Variants in RABGAP1L observed in about 807,000 individuals in gnomAD.
RABGAP1L encodes RAB GTPase activating protein 1 like.
A neutral mutation model predicts 137.7 loss-of-function variants in RABGAP1L; 63 were observed. The observed-to-expected ratio is 0.46, with a 90% CI of 0.37 to 0.56. The LOEUF (loss-of-function observed/expected upper bound fraction) is 0.56. Ranked by LOEUF, RABGAP1L falls within the 20% of genes least tolerant of loss-of-function variation. The pLI, the probability that RABGAP1L is intolerant of heterozygous loss-of-function variation, is 0.00. For missense variants in RABGAP1L, 1,095 were observed against 1,244.0 expected, an observed-to-expected ratio of 0.88 and a Z score of 1.80; for synonymous variants, 431 against 433.7, an observed-to-expected ratio of 0.99 and a Z score of 0.08.
At chr1:174,168,358 A>G (rs571538397) in intron 1 of RABGAP1L, among the ~76,000 whole-genome samples, 1 of 151,860 alleles carries the variant, frequency 6.6e-6, no homozygotes, top group East Asian at 1.9e-4. Context: ...GGGAGGTTAT[A>G]TATATATTGG....
rs531718932 is a variant in RABGAP1L at position 174,488,258 on chromosome 1, T to A, written c.1710+94113T>A. Among the ~76,000 whole-genome samples the A allele has an allele frequency of 1.5e-4, 23 of 152,200 alleles. 1 individual carries two copies. The highest frequency in any genetic ancestry group is 5.3e-4 in the African/African-American group (22 of 41,492). On this transcript the variant is annotated intron_variant, in intron 13 of 25. Transcript: ENST00000681986. ...TGGCTTTTGTTTCTTTGAGAAAGTCTGTATTTCTCCCTCATGTTTGAAGGA... is the reference window on the plus strand; with the variant it reads ...TGGCTTTTGTTTCTTTGAGAAAGTCAGTATTTCTCCCTCATGTTTGAAGGA...
At chr1:174,655,790 G>T (rs375691416) in intron 14 of RABGAP1L, among the ~76,000 whole-genome samples, 3 of 152,064 alleles carry the variant, frequency 2.0e-5, no homozygotes, top group East Asian at 3.9e-4. Flanking sequence ...TGTTCAAATT[G>T]TCCCCATATT....
intron 13 of RABGAP1L, among the ~76,000 whole-genome samples, chr1:174,487,524 A>G (rs1033682963): frequency 1.3e-5 from 2 of 152,028 alleles, no homozygotes; most frequent in Non-Finnish European, 2.9e-5. Flanking sequence ...CTTTTTAGGT[A>G]AAGTGTTTTT....
intron 19 of RABGAP1L, among the ~76,000 whole-genome samples, chr1:174,907,467 C>T (rs146835396): frequency 4.6e-5 from 7 of 152,050 alleles, no homozygotes; most frequent in African/African-American, 1.7e-4. Context: ...TGTGTGCCAC[C>T]ACACCTGGCT....
chr1:174,449,331 T>G lies in RABGAP1L; in HGVS notation c.1710+55186T>G, dbSNP rs1334861280. On this transcript the variant is annotated intron_variant, in intron 13 of 25. Transcript: ENST00000681986. ...TAAAATGAAGTATGAGACTAAAGGT[T>G]TCTCTCTTTTTTTTTCTTTTTCATG... 5 of 749,956 alleles carry G rather than the reference T, an allele frequency of 6.7e-6. No homozygotes were observed. The East Asian group carries it at 1.1e-4, about 16-fold the overall frequency. 46.5% of individuals were successfully genotyped at this position (749,956 alleles called of 1,614,324 possible). A position where few individuals can be genotyped will look rare whatever the true frequency, so the allele number is the denominator to read the frequency against.
intron 18 of RABGAP1L, among the ~76,000 whole-genome samples, chr1:174,767,298 A>G (rs1271974581): frequency 2.0e-5 from 3 of 152,176 alleles, no homozygotes; most frequent in Non-Finnish European, 2.9e-5. Flanking sequence ...GACATTAACA[A>G]TATTGAGACT....
intron 13 of RABGAP1L, among the ~76,000 whole-genome samples, chr1:174,410,491 T>G (rs1649795817): frequency 6.6e-6 from 1 of 152,096 alleles, no homozygotes; most frequent in South Asian, 2.1e-4. Flanking sequence ...TCACCATTTA[T>G]TGAATAAGGA....
At chr1:174,262,417 G>A (rs948755217) in intron 7 of RABGAP1L, among the ~76,000 whole-genome samples, 2 of 152,138 alleles carry the variant, frequency 1.3e-5, no homozygotes, top group Admixed American at 6.5e-5. Context: ...GTTCTCATAA[G>A]TTGATTGATT....
chr1:174,355,808 T>A (rs1276639677), intron 11 of RABGAP1L, among the ~76,000 whole-genome samples: 1 of 152,194 alleles, frequency 6.6e-6, no homozygotes, highest in Non-Finnish European at 1.5e-5. Flanking sequence ...AGATTCAGAA[T>A]GACAGTGATG....
chr1:174,964,892 TTAG>T, intron 20 of RABGAP1L: 2 of 1,464,782 alleles, frequency 1.4e-6, no homozygotes, highest in Non-Finnish European at 9.1e-7. Context: ...CATAAATATT[TTAG>T]TAGGTGTTCA....
At chr1:174,988,596 C>A in intron 24 of RABGAP1L, 45 bp from the exon 25 acceptor site, 1 of 1,402,734 alleles carries the variant, frequency 7.1e-7, no homozygotes, top group South Asian at 1.6e-5. Context: ...GGTGATTTAG[C>A]CTATGGAATA....
At chr1:174,266,271 T>G (rs1674065751) in intron 7 of RABGAP1L, among the ~76,000 whole-genome samples, 1 of 152,186 alleles carries the variant, frequency 6.6e-6, no homozygotes, top group African/African-American at 2.4e-5. Context: ...TTCACAATAA[T>G]GCTTAATAAA....
At chr1:174,225,761 G>A (rs900735961) in intron 3 of RABGAP1L, among the ~76,000 whole-genome samples, 1 of 151,966 alleles carries the variant, frequency 6.6e-6, no homozygotes, top group Non-Finnish European at 1.5e-5. Flanking sequence ...AGAAAGACAG[G>A]TTTCTTTCTT....
At chr1:174,441,060 A>G (rs1438575806) in intron 13 of RABGAP1L, among the ~76,000 whole-genome samples, 6 of 149,678 alleles carry the variant, frequency 4.0e-5, no homozygotes, top group Non-Finnish European at 7.4e-5. Flanking sequence ...AGTATTATAT[A>G]TATATATAAA....
At chr1:174,816,534 A>G (rs1432044648) in intron 19 of RABGAP1L, among the ~76,000 whole-genome samples, 1 of 152,114 alleles carries the variant, frequency 6.6e-6, no homozygotes, top group African/African-American at 2.4e-5. Flanking sequence ...TTTTTATTCA[A>G]TACCATTTAT....
chr1:174,527,176 G>A (rs892634245), intron 13 of RABGAP1L, among the ~76,000 whole-genome samples: 1 of 149,032 alleles, frequency 6.7e-6, no homozygotes, highest in Non-Finnish European at 1.5e-5. Context: ...TTTCATTGTG[G>A]TCTGAGAAAA....
chr1:174,925,752 TTTC>T (rs963855072), intron 19 of RABGAP1L, among the ~76,000 whole-genome samples: 1 of 152,080 alleles, frequency 6.6e-6, no homozygotes, highest in Non-Finnish European at 1.5e-5. Flanking sequence ...AATATTTGTT[TTTC>T]TTTTTTCAGT....
chr1:174,523,540 G>A (rs1371890367), intron 13 of RABGAP1L, among the ~76,000 whole-genome samples: 2 of 152,180 alleles, frequency 1.3e-5, no homozygotes, highest in Non-Finnish European at 2.9e-5. Context: ...TGGGGTACAT[G>A]TAAGTATTTT....
intron 12 of RABGAP1L, among the ~76,000 whole-genome samples, chr1:174,384,980 A>G (rs1308333868): frequency 1.3e-5 from 2 of 152,192 alleles, no homozygotes; most frequent in African/African-American, 2.4e-5. Context: ...ATCTGGCTTC[A>G]TCTTGAACCC....
Sources: allele counts gnomAD v4.1 joint callset (sites outside exome capture counted in the v4.1 genomes callset), GRCh38; gene constraint gnomAD v4.1.1; transcripts MANE v1.5; gene names NCBI Gene and HGNC (gene_info 2026-07-23, HGNC 2026-07-21).